PCNX1: variants seen among roughly 807,000 people sequenced by gnomAD.
The protein encoded by PCNX1 is pecanex-like protein 1.
Under a neutral mutation model 242.2 loss-of-function variants are expected in PCNX1, and 78 were observed. The observed-to-expected ratio is 0.32, with a 90% CI of 0.27 to 0.39. The LOEUF (loss-of-function observed/expected upper bound fraction) is 0.39, where lower values mean the gene tolerates loss of function less well. Ranked by LOEUF, PCNX1 falls within the 10% of genes least tolerant of loss-of-function variation. PCNX1 has a pLI of 1.00. For synonymous variants in PCNX1, 1,024 were observed against 1,032.9 expected (o/e 0.99, Z 0.17); for missense variants, 2,581 against 2,856.5 (o/e 0.90, Z 2.20).
Position 70,970,280 on chromosome 14 carries a change from C to T in PCNX1, c.604+1170C>T, listed in dbSNP as rs143539240. Among the ~76,000 whole-genome samples the T allele has an allele frequency of 8.5e-3, 1,288 of 151,994 alleles. 10 individuals carry two copies. Among genetic ancestry groups the T allele is most frequent in the African/African-American group, 0.029 (1,211 of 41,422 alleles). On this transcript the variant is annotated intron_variant, in intron 5 of 35. Transcript: ENST00000304743. ...ACTTGGGAGGCTGAGGTGGGAGGAT[C>T]GCTTGATCCCAGGAGGTTGAGGCAG...
At chr14:70,913,321 T>C (rs1295865792) in intron 1 of PCNX1, among the ~76,000 whole-genome samples, 2 of 152,186 alleles carry the variant, frequency 1.3e-5, no homozygotes, top group African/African-American at 4.8e-5. Context: ...GGCTGTATCA[T>C]ATGGTGGAGC....
Position 70,978,216 on chromosome 14 carries a change from A to C in PCNX1, c.1879A>C (p.Ser627Arg). ...AHQFSSDSSS[S>R]TTSHSCQSPE... ...CCAGTTCAGCAGTGATAGCTCTTCT[A>C]GCACCACTTCTCATTCCTGTCAGTC... Residue 627 changes from serine to arginine, a missense_variant, in exon 6 of 36, where the codon AGC (serine) becomes CGC (arginine). By Grantham distance (110) the Ser-to-Arg change is moderately radical (BLOSUM62 -1). Around this residue, in one of 9 missense-constraint regions of PCNX1, gnomAD observed 1,204 missense variants for 1,216.7 expected, o/e 0.99. Coordinates refer to ENST00000304743, the MANE Select transcript of PCNX1 (RefSeq NM_014982.3). The C allele has an allele frequency of 6.2e-7, 1 of 1,614,100 alleles. No individual in the cohort carries two copies.
chr14:71,010,150 G>A (rs2059783191), intron 9 of PCNX1, among the ~76,000 whole-genome samples: 2 of 151,976 alleles, frequency 1.3e-5, no homozygotes. Flanking sequence ...AAAAAAGAAA[G>A]TATTGTTTTT....
In PCNX1 at chr14:71,102,022, C is replaced by G. The variant is rs765919444; in HGVS notation, c.5622C>G (p.Asp1874Glu). The change falls in exon 31 of 36, where the codon GAC (aspartate) becomes GAG (glutamate). Residue 1874 changes from aspartate to glutamate, a missense_variant. This residue lies in a region of PCNX1 where 298 missense variants were observed against 480.1 expected (regional missense o/e 0.62). Coordinates refer to ENST00000304743, the MANE Select transcript of PCNX1 (RefSeq NM_014982.3). The part of the protein sequence containing the change: ...DHFTSPDEYD[D>E]PTVLYEAIVS... Reference sequence around the variant, plus strand: ...TTACTTCTCCAGATGAATATGATGACCCTACTGTGCTCTATGAAGCCATAG... The same window carrying G: ...TTACTTCTCCAGATGAATATGATGAGCCTACTGTGCTCTATGAAGCCATAG... The G allele has an allele frequency of 6.2e-6, 10 of 1,610,374 alleles. No individual in the cohort carries two copies. The Admixed American group carries it at 1.3e-4, about 21-fold the overall frequency.
chr14:70,967,478 T>G (rs2058414655), intron 3 of PCNX1, among the ~76,000 whole-genome samples: 1 of 152,252 alleles, frequency 6.6e-6, no homozygotes, highest in African/African-American at 2.4e-5. Flanking sequence ...GAATTTGTGG[T>G]ATTTATTTAT....
chr14:70,993,676 A>G (rs950435967), intron 7 of PCNX1, among the ~76,000 whole-genome samples: 1 of 152,164 alleles, frequency 6.6e-6, no homozygotes, highest in Admixed American at 6.5e-5. Flanking sequence ...AACTTGGCTT[A>G]TGATGTCAAG....
chr14:70,982,683 G>A (rs971531996), intron 6 of PCNX1, among the ~76,000 whole-genome samples: 2 of 152,206 alleles, frequency 1.3e-5, no homozygotes, highest in Non-Finnish European at 2.9e-5. Context: ...GAAAAGTGGT[G>A]TTTATTGGTG....
chr14:70,972,107 A>G (rs35092982), intron 5 of PCNX1, among the ~76,000 whole-genome samples: 1 of 152,098 alleles, frequency 6.6e-6, no homozygotes, highest in East Asian at 1.9e-4. Context: ...CTGTGTGTGT[A>G]GAAGATACTA....
intron 3 of PCNX1, among the ~76,000 whole-genome samples, chr14:70,964,949 G>A (rs2058333099): frequency 6.6e-6 from 1 of 152,124 alleles, no homozygotes; most frequent in Non-Finnish European, 1.5e-5. Flanking sequence ...GGAAGAGTCT[G>A]GCTTTTTGCA....
chr14:71,077,773 T>G (rs1427064304), intron 28 of PCNX1, among the ~76,000 whole-genome samples: 1 of 152,228 alleles, frequency 6.6e-6, no homozygotes, highest in Admixed American at 6.5e-5. Flanking sequence ...TTTTCATAAA[T>G]AAAATACACT....
At chr14:71,016,070 T>C (rs1039872694) in intron 11 of PCNX1, among the ~76,000 whole-genome samples, 4 of 152,148 alleles carry the variant, frequency 2.6e-5, no homozygotes, top group African/African-American at 7.2e-5. Context: ...GAAAAAGATA[T>C]ACCATGCTAA....
At chr14:70,955,284 T>G (rs1461285649) in intron 2 of PCNX1, among the ~76,000 whole-genome samples, 2 of 152,236 alleles carry the variant, frequency 1.3e-5, no homozygotes, top group Non-Finnish European at 2.9e-5. Context: ...CAATTTAAAC[T>G]GTATGAAGCT....
At chr14:71,066,318 A>G (rs1487613214) in intron 26 of PCNX1, among the ~76,000 whole-genome samples, 3 of 152,160 alleles carry the variant, frequency 2.0e-5, no homozygotes, top group Admixed American at 1.3e-4. Context: ...CTCCTTGAAG[A>G]GGACCTTCGC....
intron 5 of PCNX1, among the ~76,000 whole-genome samples, chr14:70,970,391 A>G (rs184863732): frequency 1.3e-5 from 2 of 152,110 alleles, no homozygotes; most frequent in Non-Finnish European, 1.5e-5. Context: ...CAACCAATCA[A>G]TCAGTCAATA....
intron 23 of PCNX1, 148 bp downstream of exon 23, chr14:71,050,908 C>T: frequency 1.4e-6 from 1 of 727,180 alleles, no homozygotes; most frequent in Non-Finnish European, 2.1e-6. Flanking sequence ...GTGGCTCACG[C>T]CTGTAATCCC....
Position 71,072,872 on chromosome 14 carries a change from T to C in PCNX1, c.4853-673T>C, listed in dbSNP as rs530339339. Reference sequence around the variant, plus strand: ...CAATAACATTCCACTGGTTTTTGTATTTCTAAAATTAACTCAGACCTTCAG... The same window carrying C: ...CAATAACATTCCACTGGTTTTTGTACTTCTAAAATTAACTCAGACCTTCAG... On this transcript the variant is annotated intron_variant, in intron 26 of 35. Coordinates refer to ENST00000304743, the MANE Select transcript of PCNX1 (RefSeq NM_014982.3). 5.3e-4 allele frequency among the ~76,000 whole-genome samples: 81 copies of C among 152,386 alleles called. 1 individual carries two copies. Among genetic ancestry groups the C allele is most frequent in the Non-Finnish European group, 1.1e-3 (76 of 68,040 alleles).
rs924870891 is a variant in PCNX1, at chr14:71,033,630, C to T, written c.3668+92C>T. On this transcript the variant is annotated intron_variant, in intron 17 of 35. Transcript: ENST00000304743. ...TTTGAAGATCTCTTTTTCCCAATGC[C>T]TTTCCAAAGTGCTTTGGCCTAATCT... 8 of 714,284 alleles carry T rather than the reference C, an allele frequency of 1.1e-5. No homozygotes were observed. The African/African-American group carries it at 1.4e-4, about 13-fold the overall frequency. The allele number at this position is 714,284 out of a possible 1,614,324, so 44.2% of individuals were successfully genotyped here.
rs1283328611 is a variant in PCNX1 at position 71,109,179 on chromosome 14, G to A, written c.6744+133G>A. The A allele has an allele frequency of 5.4e-6, 5 of 930,702 alleles. No individual in the cohort carries two copies. In the East Asian group the frequency reaches 1.3e-4, roughly 25 times the overall value. The allele number at this position is 930,702 out of a possible 1,614,324, so 57.7% of individuals were successfully genotyped here. A position where few individuals can be genotyped will look rare whatever the true frequency, so the allele number is the denominator to read the frequency against. On this transcript the variant is annotated intron_variant, in intron 34 of 35. Coordinates refer to ENST00000304743, the MANE Select transcript of PCNX1 (RefSeq NM_014982.3). ...AGGACTAGAATATTTTTGAATGTTGGGGAAAAATTTCTTCAAACTTAAAAA... is the reference window on the plus strand; with the variant it reads ...AGGACTAGAATATTTTTGAATGTTGAGGAAAAATTTCTTCAAACTTAAAAA...
chr14:70,967,603 G>A (rs2058418622), intron 3 of PCNX1, among the ~76,000 whole-genome samples: 2 of 152,110 alleles, frequency 1.3e-5, no homozygotes, highest in South Asian at 4.1e-4. Flanking sequence ...TCTCCTTATA[G>A]TTTGTGCTAA....
Sources: allele counts gnomAD v4.1 joint callset (sites outside exome capture counted in the v4.1 genomes callset), GRCh38; gene constraint gnomAD v4.1.1; regional missense constraint gnomAD v4.1.1; transcripts MANE v1.5; gene names NCBI Gene and HGNC (gene_info 2026-07-23, HGNC 2026-07-21).